The following PSME4 variants were observed in gnomAD, a reference collection of about 807,000 sequenced individuals.
PSME4 encodes the protein proteasome activator subunit 4.
A neutral mutation model predicts 253.9 loss-of-function variants in PSME4; 89 were observed. That is an observed-to-expected ratio of 0.35 (90% CI 0.30 to 0.42). The LOEUF (loss-of-function observed/expected upper bound fraction) is 0.42, where lower values mean the gene tolerates loss of function less well. Ranked by LOEUF, PSME4 falls within the 10% of genes least tolerant of loss-of-function variation. The pLI is 1.00. For synonymous variants in PSME4, 851 were observed against 759.2 expected, an observed-to-expected ratio of 1.12 and a Z score of -1.99; for missense variants, 2,014 against 2,195.2, an observed-to-expected ratio of 0.92 and a Z score of 1.65.
intron 41 of PSME4, among the ~76,000 whole-genome samples, chr2:53,876,909 G>C (rs1355365024): frequency 6.6e-6 from 1 of 151,092 alleles, no homozygotes; most frequent in Non-Finnish European, 1.5e-5. Flanking sequence ...GTATGGTAGA[G>C]ACAGAATCTC....
rs138923756 is a variant in PSME4 at position 53,923,135 on chromosome 2, A to G, written c.1909-17T>C. On this transcript the variant is annotated splice_polypyrimidine_tract_variant and intron_variant, in intron 15 of 46. Coordinates refer to ENST00000404125, the MANE Select transcript of PSME4 (RefSeq NM_014614.3). ...TGGGCAGCACTGAAAATGTATTTGT[A>G]TAAGTAAGGCTTTTTTGAAAGGCAA... The G allele has an allele frequency of 1.5e-5, 24 of 1,591,880 alleles. No individual in the cohort carries two copies. The highest frequency in any genetic ancestry group is 6.7e-5 in the East Asian group (3 of 44,518).
intron 1 of PSME4, among the ~76,000 whole-genome samples, chr2:53,967,681 T>TAAAAAAAAAAAAAAAAAAAA (rs1670810438): frequency 2.5e-5 from 1 of 39,920 alleles, no homozygotes. Context: ...AAAAAAAAAG[T>TAAAAAAAAAAAAAAAAAAAA]CAAAAAGAGG....
Position 53,866,196 on chromosome 2 carries a change from A to T in PSME4, c.5425T>A (p.Phe1809Ile), listed in dbSNP as rs1678555389. ...EMTVKKTLSN[F>I]RRTHHDNWQE... is the part of the protein sequence containing the mutation. ...CAGTTGTCATGGTGAGTCCTTCGGAAATTGGATAAGGTTTTTTTTACAGTC... is the reference window on the plus strand; with the variant it reads ...CAGTTGTCATGGTGAGTCCTTCGGATATTGGATAAGGTTTTTTTTACAGTC... The change falls in exon 46 of 47, where the codon TTC becomes ATC. Residue 1809 changes from phenylalanine (F) to isoleucine (I), a missense_variant. This residue lies in a region of PSME4 where 403 missense variants were observed against 556.1 expected (regional missense o/e 0.72). Coordinates refer to ENST00000404125, the MANE Select transcript of PSME4 (RefSeq NM_014614.3). The T allele has an allele frequency of 6.2e-7, 1 of 1,613,960 alleles. No homozygotes were observed. Among genetic ancestry groups the T allele is most frequent in the Admixed American group, 1.7e-5 (1 of 60,002 alleles).
intron 41 of PSME4, among the ~76,000 whole-genome samples, chr2:53,879,740 T>C (rs771774623): frequency 2.1e-5 from 3 of 143,280 alleles, no homozygotes; most frequent in Non-Finnish European, 4.5e-5. Context: ...AGACTGAGAC[T>C]GCAGTGAGCT....
intron 20 of PSME4, among the ~76,000 whole-genome samples, chr2:53,917,025 T>C (rs1009424880): frequency 6.6e-6 from 1 of 150,384 alleles, no homozygotes; most frequent in African/African-American, 2.4e-5. Flanking sequence ...TTTTTAAAAA[T>C]TGAAGTTTTA....
chr2:53,960,363 T>TTGTTG (rs1670427306), intron 1 of PSME4, among the ~76,000 whole-genome samples: 2 of 140,952 alleles, frequency 1.4e-5, no homozygotes, highest in South Asian at 4.4e-4. Context: ...CAGGCCGCTG[T>TTGTTG]ACTCCAGCCT....
intron 7 of PSME4, 53 bp downstream of exon 7, chr2:53,936,034 C>T: frequency 6.4e-7 from 1 of 1,568,638 alleles, no homozygotes; most frequent in Non-Finnish European, 8.6e-7. Context: ...GCTGGGATTA[C>T]AGGCGCCTAC....
chr2:53,946,508 T>A (rs1170551253), intron 3 of PSME4, among the ~76,000 whole-genome samples: 2 of 152,156 alleles, frequency 1.3e-5, no homozygotes, highest in African/African-American at 2.4e-5. Flanking sequence ...GAAGACTCAG[T>A]CAAACCAGTA....
chr2:53,960,623 A>G (rs1457731012), intron 1 of PSME4, among the ~76,000 whole-genome samples: 2 of 152,214 alleles, frequency 1.3e-5, no homozygotes, highest in African/African-American at 2.4e-5. Context: ...TAAGAACTCA[A>G]ACTGCTCTGT....
chr2:53,938,474 C>CTT (rs772903727), intron 4 of PSME4, among the ~76,000 whole-genome samples: 35 of 132,852 alleles, frequency 2.6e-4, no homozygotes, highest in African/African-American at 8.3e-4. Flanking sequence ...CCTTAATGGG[C>CTT]TTTTTTTTTT....
At chr2:53,961,406 T>C (rs867304866) in intron 1 of PSME4, among the ~76,000 whole-genome samples, 7 of 152,270 alleles carry the variant, frequency 4.6e-5, no homozygotes, top group Middle Eastern at 6.8e-3. Flanking sequence ...CAGTGGCTTA[T>C]GCCTGTAATC....
Position 53,938,810 on chromosome 2 carries a change from T to C in PSME4, c.545+1146A>G, listed in dbSNP as rs138951378. ...AAAATTATATTTCTAAGAATACTTC[T>C]GTTGAGTTCACAAAGCGTTTATGTG... On this transcript the variant is annotated intron_variant, in intron 4 of 46. Transcript: ENST00000404125. Among the ~76,000 whole-genome samples, 5 of 152,352 alleles carry C rather than the reference T, an allele frequency of 3.3e-5. No individual in the cohort carries two copies. In the East Asian group the frequency reaches 9.6e-4, roughly 29 times the overall value.
At chr2:53,967,615 T>C (rs1009396324) in intron 1 of PSME4, among the ~76,000 whole-genome samples, 2 of 126,972 alleles carry the variant, frequency 1.6e-5, no homozygotes, top group Non-Finnish European at 3.1e-5. Flanking sequence ...GCCACTACAC[T>C]ATCTTGTGTC....
At chr2:53,923,475 C>T (rs2104453403) in intron 14 of PSME4, 56 bp from the exon 15 acceptor site, 2 of 1,493,654 alleles carry the variant, frequency 1.3e-6, no homozygotes, top group African/African-American at 1.4e-5. Context: ...AAACATCTTA[C>T]AGAACATAAA....
At chr2:53,950,841 CAAAA>C (rs77155080) in intron 1 of PSME4, among the ~76,000 whole-genome samples, 1 of 71,402 alleles carries the variant, frequency 1.4e-5, no homozygotes. Flanking sequence ...AACTCCGTCT[CAAAA>C]AAAAAAAAAA....
chr2:53,965,088 CACACACACACACAG>C (rs1208285394), intron 1 of PSME4, among the ~76,000 whole-genome samples: 1 of 151,380 alleles, frequency 6.6e-6, no homozygotes, highest in Non-Finnish European at 1.5e-5. Flanking sequence ...TCTGTTTAAA[CACACACACACACAG>C]ACACACACAC....
intron 29 of PSME4, 122 bp from the exon 30 acceptor site, chr2:53,898,476 T>C: frequency 1.4e-6 from 1 of 705,222 alleles, no homozygotes; most frequent in South Asian, 2.4e-5. Flanking sequence ...ACCACCTGAC[T>C]GTAAACGGCC....
Position 53,911,447 on chromosome 2 carries a change from TA to T in PSME4, c.2517-1318del, listed in dbSNP as rs1667824135. Among the ~76,000 whole-genome samples the T allele has an allele frequency of 3.3e-5, 5 of 152,370 alleles. No homozygotes were observed. The South Asian group carries it at 1.0e-3, about 32-fold the overall frequency. The stretch of plus-strand genomic sequence containing the variant: ...ATATTTTTGCATGATCAAAAATATG[TA>T]TGTATCCAAAATCTGTTAGTAAAAA... On this transcript the variant is annotated intron_variant, in intron 20 of 46. Transcript: ENST00000404125.
intron 36 of PSME4, among the ~76,000 whole-genome samples, chr2:53,891,481 AATATCACATGTAC>A (rs1679902671): frequency 1.3e-5 from 2 of 152,192 alleles, no homozygotes; most frequent in African/African-American, 4.8e-5. Context: ...CATGTATCAA[AATATCACATGTAC>A]CCCATAAACA....
Sources: allele counts gnomAD v4.1 joint callset (sites outside exome capture counted in the v4.1 genomes callset), GRCh38; gene constraint gnomAD v4.1.1; regional missense constraint gnomAD v4.1.1; transcripts MANE v1.5; gene names NCBI Gene and HGNC (gene_info 2026-07-23, HGNC 2026-07-21).